Variants in CASP4 observed in about 807,000 individuals in gnomAD.
The protein encoded by CASP4 is caspase-4.
CASP4 carries 29 observed loss-of-function variants against 41.3 expected under a neutral mutation model. That is an observed-to-expected ratio of 0.70 (90% CI 0.52 to 0.96). The LOEUF (loss-of-function observed/expected upper bound fraction) is 0.96, where lower values mean the gene tolerates loss of function less well. CASP4 is among the 40% of genes least tolerant of loss of function. CASP4 has a pLI of 0.00. For synonymous variants in CASP4, 185 were observed against 158.4 expected (o/e 1.17, Z -1.26); for missense variants, 447 against 460.6 (o/e 0.97, Z 0.27).
Position 104,951,772 on chromosome 11 carries a change from G to A in CASP4, c.372+124C>T, listed in dbSNP as rs535673827. 5.4e-4 allele frequency: 384 copies of A among 708,902 alleles called. 1 individual carries two copies. Among genetic ancestry groups the A allele is most frequent in the Middle Eastern group, 2.8e-3 (12 of 4,344 alleles). 43.9% of individuals were successfully genotyped at this position (708,902 alleles called of 1,614,324 possible). A position where few individuals can be genotyped will look rare whatever the true frequency, so the allele number is the denominator to read the frequency against. On this transcript the variant is annotated intron_variant, in intron 3 of 8. Transcript: ENST00000444739. ...TCACATAATCTTTCCCTTAGTAAAA[G>A]CATTATTGAAAATGGTTACTGTCAT...
At position 104,949,777 on chromosome 11, in the gene CASP4, C is replaced by G. The variant is rs552224767; in HGVS notation, c.547G>C (p.Asp183His). ...AATGCCCTCAGCGCTGACTCCATATCCTGTAAAAGAGCAATGTCTAACTTC... is the reference window on the plus strand; with the variant it reads ...AATGCCCTCAGCGCTGACTCCATATGCTGTAAAAGAGCAATGTCTAACTTC... ...VDVEENLTAR[D>H]MESALRAFAT... The change falls in exon 5 of 9, where the codon GAT becomes CAT. Residue 183 changes from aspartate to histidine, a missense_variant and splice_region_variant. Physicochemically the swap from Asp to His is moderately conservative, Grantham distance 81. Coordinates refer to ENST00000444739, the MANE Select transcript of CASP4 (RefSeq NM_001225.4). 6.2e-7 allele frequency: 1 copy of G among 1,613,364 alleles called. No individual in the cohort carries two copies. Among genetic ancestry groups the G allele is most frequent in the African/African-American group, 1.3e-5 (1 of 74,856 alleles).
At chr11:104,953,454 A>G (rs1259582497) in intron 2 of CASP4, among the ~76,000 whole-genome samples, 1 of 152,142 alleles carries the variant, frequency 6.6e-6, no homozygotes, top group East Asian at 1.9e-4. Context: ...TTGCACTATC[A>G]CTGACTTTTT....
Position 104,948,632 on chromosome 11 carries a change from C to G in CASP4, c.826G>C (p.Glu276Gln). The G allele has an allele frequency of 2.5e-6, 4 of 1,610,602 alleles. No individual in the cohort carries two copies. The highest frequency in any genetic ancestry group is 2.5e-6 in the Non-Finnish European group (3 of 1,177,864). ...LWVRDSPASL[E>Q]VASSQSSENL... Reference sequence around the variant, plus strand: ...TCAGATGACTGTGAAGAGGCCACTTCCAAGGATGCTGGAGAGTCTCTGACC... The same window carrying G: ...TCAGATGACTGTGAAGAGGCCACTTGCAAGGATGCTGGAGAGTCTCTGACC... Residue 276 changes from glutamate (E) to glutamine (Q), a missense_variant, in exon 6 of 9, where the codon GAA (glutamate) becomes CAA (glutamine). Coordinates refer to ENST00000444739, the MANE Select transcript of CASP4 (RefSeq NM_001225.4).
At chr11:104,944,381 T>C (rs1322833055) in intron 8 of CASP4, 2 of 195,252 alleles carry the variant, frequency 1.0e-5, no homozygotes, top group Non-Finnish European at 2.1e-5. Flanking sequence ...TGTGTGTGTG[T>C]GTGTGTGTGT....
chr11:104,952,185 C>A, intron 2 of CASP4, 180 bp from the exon 3 acceptor site: 1 of 560,084 alleles, frequency 1.8e-6, no homozygotes, highest in Non-Finnish European at 3.2e-6. Context: ...GATAGAAAAG[C>A]AGATCCACCC....
rs1314866733 is a variant in CASP4 at position 104,944,787 on chromosome 11, A to G, written c.1100T>C (p.Met367Thr). 6.8e-6 allele frequency: 11 copies of G among 1,613,248 alleles called. No individual in the cohort carries two copies. The highest frequency in any genetic ancestry group is 8.5e-6 in the Non-Finnish European group (10 of 1,179,364). Reference protein sequence around the residue: ...AQMPTIERLSMTRYFYLFPGN With the variant: ...AQMPTIERLSTTRYFYLFPGN Reference sequence around the variant, plus strand: ...AGGAAAGAGGTAGAAATATCTTGTCATGGACAGTCGTTCTATGGTGGGCAT... The same window carrying G: ...AGGAAAGAGGTAGAAATATCTTGTCGTGGACAGTCGTTCTATGGTGGGCAT... Residue 367 changes from methionine (M) to threonine (T), a missense_variant, in exon 8 of 9, where the codon ATG (methionine) becomes ACG (threonine). Transcript: ENST00000444739.
chr11:104,960,572 C>T (rs747316425), intron 1 of CASP4, among the ~76,000 whole-genome samples: 2 of 152,118 alleles, frequency 1.3e-5, no homozygotes, highest in Admixed American at 6.5e-5. Flanking sequence ...CGGATTCAAG[C>T]GATTCTCCTG....
Position 104,948,683 on chromosome 11 carries a change from A to C in CASP4, c.782-7T>G. The C allele has an allele frequency of 6.3e-7, 1 of 1,584,028 alleles. No individual in the cohort carries two copies. Among genetic ancestry groups the C allele is most frequent in the Non-Finnish European group, 8.6e-7 (1 of 1,160,002 alleles). On this transcript the variant is annotated splice_polypyrimidine_tract_variant and splice_region_variant and intron_variant, in intron 5 of 8. Coordinates refer to ENST00000444739, the MANE Select transcript of CASP4 (RefSeq NM_001225.4). ...CACAGTTCCCCACGGTTTGCTATGGAGACATTAACTTTCTGCACACTGCTG... is the reference window on the plus strand; with the variant it reads ...CACAGTTCCCCACGGTTTGCTATGGCGACATTAACTTTCTGCACACTGCTG...
At chr11:104,951,304 G>A (rs72978957) in intron 3 of CASP4, 6,025 of 449,588 alleles carry the variant, frequency 0.013, 89 homozygotes, top group Non-Finnish European at 0.014. Flanking sequence ...GAGGAAACTA[G>A]ATAATTCCTA....
chr11:104,958,400 T>C (rs1591132909), intron 1 of CASP4, among the ~76,000 whole-genome samples: 1 of 152,116 alleles, frequency 6.6e-6, no homozygotes, highest in South Asian at 2.1e-4. Flanking sequence ...AGAATTAATA[T>C]GCAAAATACA....
At chr11:104,961,590 G>A (rs963938918) in intron 1 of CASP4, among the ~76,000 whole-genome samples, 1 of 152,164 alleles carries the variant, frequency 6.6e-6, no homozygotes, top group Non-Finnish European at 1.5e-5. Context: ...GTCTTGGTTG[G>A]CTCTAACTAG....
rs143207509 is a variant in CASP4 at position 104,951,921 on chromosome 11, C to G, written c.347G>C (p.Arg116Thr). The G allele has an allele frequency of 4.3e-6, 7 of 1,611,552 alleles. No individual in the cohort carries two copies. In the East Asian group the frequency reaches 8.9e-5, roughly 21 times the overall value. ...LKLCPHEEFL[R>T]LCKERAEEIY... ...CTCTTCAGCTCTTTCTTTACATAGTCTCAGGAATTCTTCATGAGGACAAAG... is the reference window on the plus strand; with the variant it reads ...CTCTTCAGCTCTTTCTTTACATAGTGTCAGGAATTCTTCATGAGGACAAAG... The change falls in exon 3 of 9, where the codon AGA (arginine) becomes ACA (threonine). Residue 116 changes from arginine (R) to threonine (T), a missense_variant. Physicochemically the swap from Arg to Thr is moderately conservative, Grantham distance 71. Coordinates refer to ENST00000444739, the MANE Select transcript of CASP4 (RefSeq NM_001225.4).
Position 104,954,962 on chromosome 11 carries a change from G to T in CASP4, c.47C>A (p.Ser16Tyr). 6.2e-7 allele frequency: 1 copy of T among 1,613,514 alleles called. No individual in the cohort carries two copies. Among genetic ancestry groups the T allele is most frequent in the Non-Finnish European group, 8.5e-7 (1 of 1,179,674 alleles). Residue 16 changes from serine (S) to tyrosine (Y), a missense_variant, in exon 2 of 9, where the codon TCC becomes TAC. Physicochemically the swap from Ser to Tyr is moderately radical, Grantham distance 144. Coordinates refer to ENST00000444739, the MANE Select transcript of CASP4 (RefSeq NM_001225.4). ...HRKKPLKVLE[S>Y]LGKDFLTGVL... The stretch of plus-strand genomic sequence containing the variant: ...ACCAGTGAGGAAATCTTTGCCCAGG[G>T]ATTCCAACACCTTAAGTGGCTTTTT...
At chr11:104,948,979 C>T (rs371569814) in intron 5 of CASP4, 6 of 211,980 alleles carry the variant, frequency 2.8e-5, no homozygotes, top group Admixed American at 5.2e-5. Context: ...GTCTCAAATT[C>T]CTGGCCTCAA....
At chr11:104,958,638 A>G (rs1860789564) in intron 1 of CASP4, among the ~76,000 whole-genome samples, 1 of 152,090 alleles carries the variant, frequency 6.6e-6, no homozygotes, top group Non-Finnish European at 1.5e-5. Context: ...AGGATGTAGA[A>G]AAAAAGAAAC....
chr11:104,956,984 C>A (rs1389468916), intron 1 of CASP4, among the ~76,000 whole-genome samples: 1 of 151,910 alleles, frequency 6.6e-6, no homozygotes, highest in African/African-American at 2.4e-5. Context: ...AGTTGAAAAC[C>A]CTTTCTCTAA....
In CASP4 at chr11:104,951,719, T is replaced by C. The variant is rs1292217884; in HGVS notation, c.372+177A>G. The C allele has an allele frequency of 7.7e-6, 5 of 652,248 alleles. No individual in the cohort carries two copies. The African/African-American group carries it at 9.0e-5, about 12-fold the overall frequency. 40.4% of individuals were successfully genotyped at this position (652,248 alleles called of 1,614,324 possible). A position where few individuals can be genotyped will look rare whatever the true frequency, so the allele number is the denominator to read the frequency against. On this transcript the variant is annotated intron_variant, in intron 3 of 8. Transcript: ENST00000444739. Reference sequence around the variant, plus strand: ...ATGATAAAATGATCTGCATCATGGATTGAGAAAGGATTGGTATCATTGTGA... The same window carrying C: ...ATGATAAAATGATCTGCATCATGGACTGAGAAAGGATTGGTATCATTGTGA...
chr11:104,950,969 C>G lies in CASP4; in HGVS notation c.502G>C (p.Gly168Arg), dbSNP rs930295593. 5.0e-6 allele frequency: 8 copies of G among 1,613,350 alleles called. No individual in the cohort carries two copies. The highest frequency in any genetic ancestry group is 6.8e-6 in the Non-Finnish European group (8 of 1,179,568). The change falls in exon 4 of 9, where the codon GGT becomes CGT. Residue 168 changes from glycine (G) to arginine (R), a missense_variant. Coordinates refer to ENST00000444739, the MANE Select transcript of CASP4 (RefSeq NM_001225.4). ...TCTACATCTACACTATAGTCCAGAC[C>G]CTCAAGTAGCTCCTTCATCCCTGTG... is the stretch of plus-strand genomic sequence containing the variant. ...DITGMKELLE[G>R]LDYSVDVEEN... is the part of the protein sequence containing the mutation.
chr11:104,958,951 ACT>A (rs1277265772), intron 1 of CASP4, among the ~76,000 whole-genome samples: 2 of 109,650 alleles, frequency 1.8e-5, no homozygotes, highest in Non-Finnish European at 1.7e-5. Context: ...ACAGAGTGAG[ACT>A]CTGTCTCAAA....
Sources: allele counts gnomAD v4.1 joint callset (sites outside exome capture counted in the v4.1 genomes callset), GRCh38; gene constraint gnomAD v4.1.1; transcripts MANE v1.5; gene names NCBI Gene and HGNC (gene_info 2026-07-23, HGNC 2026-07-21).